Variants in KIFAP3 observed in about 807,000 individuals in gnomAD.
The protein encoded by KIFAP3 is kinesin-associated protein 3.
A neutral mutation model predicts 106.5 loss-of-function variants in KIFAP3; 68 were observed. That is an observed-to-expected ratio of 0.64 (90% CI 0.53 to 0.78). KIFAP3 has a LOEUF of 0.78. KIFAP3 is among the 30% of genes least tolerant of loss of function. The probability of loss-of-function intolerance (pLI) is 0.00; values close to 1 mark genes in which losing one functional copy is unlikely to be tolerated. For missense variants in KIFAP3, 780 were observed against 941.8 expected (o/e 0.83, Z 2.25); for synonymous variants, 320 against 311.5 (o/e 1.03, Z -0.29).
intron 1 of KIFAP3, 64 bp from the exon 2 acceptor site, chr1:170,055,500 C>A: frequency 7.3e-7 from 1 of 1,366,958 alleles, no homozygotes. Flanking sequence ...TGGTTTTTAT[C>A]TATTTTTAGG....
intron 10 of KIFAP3, among the ~76,000 whole-genome samples, chr1:170,013,307 T>C (rs1668339301): frequency 1.3e-5 from 2 of 152,030 alleles, no homozygotes; most frequent in African/African-American, 4.8e-5. Context: ...CTGGAGAACT[T>C]ATCAAAAAAG....
Position 170,035,525 on chromosome 1 carries a change from G to C in KIFAP3, c.546C>G (p.Val182=), listed in dbSNP as rs769809906. The stretch of plus-strand genomic sequence containing the variant: ...CACTTTGCTTCCAGTCTTCTCTCAG[G>C]ACCCTTGCTAATGCACCAAGGGCAG... ...NETALGALAR[V]LREDWKQSVE... is the part of the protein sequence containing the mutation. The change falls in exon 6 of 20, where the codon GTC becomes GTG. Residue 182 remains valine (V), a synonymous_variant. Coordinates refer to ENST00000361580, the MANE Select transcript of KIFAP3 (RefSeq NM_014970.4). 6.2e-7 allele frequency: 1 copy of C among 1,608,674 alleles called. No homozygotes were observed. Among genetic ancestry groups the C allele is most frequent in the South Asian group, 1.1e-5 (1 of 90,270 alleles).
chr1:169,922,933 A>C (rs775249626), intron 19 of KIFAP3: 6 of 196,600 alleles, frequency 3.1e-5, no homozygotes, highest in Non-Finnish European at 4.6e-5. Flanking sequence ...ACACTTTAGA[A>C]GTAACTATTA....
intron 10 of KIFAP3, among the ~76,000 whole-genome samples, chr1:170,014,401 G>T (rs571829359): frequency 2.6e-5 from 4 of 152,186 alleles, no homozygotes; most frequent in African/African-American, 7.2e-5. Flanking sequence ...CCTCCTACTG[G>T]CCTAGCTCTA....
intron 10 of KIFAP3, among the ~76,000 whole-genome samples, chr1:170,004,143 T>G (rs1208559748): frequency 6.6e-6 from 1 of 151,956 alleles, no homozygotes; most frequent in Non-Finnish European, 1.5e-5. Context: ...GGAATGCAAT[T>G]TACAAGGGAT....
chr1:170,060,231 T>C (rs1039991024), intron 1 of KIFAP3, among the ~76,000 whole-genome samples: 2 of 152,332 alleles, frequency 1.3e-5, no homozygotes, highest in African/African-American at 4.8e-5. Context: ...TTGTCCCTGT[T>C]TGCAGATGAC....
Position 169,961,081 on chromosome 1 carries a change from T to C in KIFAP3, c.2138A>G (p.Asp713Gly). The change falls in exon 18 of 20, where the codon GAT becomes GGT. Residue 713 changes from aspartate (D) to glycine (G), a missense_variant. Transcript: ENST00000361580. ...GAAAAGGTCAGGTCTTTCGAGAATA[T>C]CTCCTTCATGAATGTATGGCTCAAT... ...DRIEPYIHEG[D>G]ILERPDLFYN... The C allele has an allele frequency of 6.2e-7, 1 of 1,612,900 alleles. No individual in the cohort carries two copies. Among genetic ancestry groups the C allele is most frequent in the Non-Finnish European group, 8.5e-7 (1 of 1,179,374 alleles).
At chr1:170,029,895 T>C (rs566371086) in intron 8 of KIFAP3, among the ~76,000 whole-genome samples, 1 of 151,984 alleles carries the variant, frequency 6.6e-6, no homozygotes, top group South Asian at 2.1e-4. Context: ...TTTTCAAAAG[T>C]AGTACTTAAA....
intron 17 of KIFAP3, among the ~76,000 whole-genome samples, chr1:169,968,629 G>A (rs751050587): frequency 6.6e-6 from 1 of 151,690 alleles, no homozygotes; most frequent in African/African-American, 2.4e-5. Flanking sequence ...AATATTGATA[G>A]ACATACACAT....
intron 19 of KIFAP3, among the ~76,000 whole-genome samples, chr1:169,947,755 G>C (rs189467951): frequency 1.3e-5 from 2 of 151,728 alleles, no homozygotes; most frequent in Admixed American, 6.6e-5. Flanking sequence ...CCAATTTTAT[G>C]CTATCAAAAC....
At chr1:169,998,391 TATATATATACACACACACAC>T (rs1438017288) in intron 10 of KIFAP3, among the ~76,000 whole-genome samples, 119 of 132,032 alleles carry the variant, frequency 9.0e-4, no homozygotes, top group African/African-American at 3.4e-3. Flanking sequence ...GATATATATA[TATATATATACACACACACAC>T]ACACACACAC....
At chr1:169,961,284 G>A (rs962333636) in intron 17 of KIFAP3, 49 bp from the exon 18 acceptor site, 3 of 1,425,976 alleles carry the variant, frequency 2.1e-6, no homozygotes, top group Admixed American at 3.5e-5. Context: ...AACTCACTTG[G>A]CACTCAGACG....
chr1:170,002,765 C>T (rs1024019230), intron 10 of KIFAP3, among the ~76,000 whole-genome samples: 9 of 152,096 alleles, frequency 5.9e-5, no homozygotes, highest in African/African-American at 2.2e-4. Context: ...TATGAAAATG[C>T]TTAACACAAG....
At chr1:170,009,019 C>G (rs1253031819) in intron 10 of KIFAP3, among the ~76,000 whole-genome samples, 1 of 152,114 alleles carries the variant, frequency 6.6e-6, no homozygotes, top group Admixed American at 6.5e-5. Flanking sequence ...AACACAGGAA[C>G]AGAAAATCAA....
intron 19 of KIFAP3, among the ~76,000 whole-genome samples, chr1:169,939,986 G>GTT (rs1385310646): frequency 1.3e-5 from 2 of 152,294 alleles, no homozygotes; most frequent in Non-Finnish European, 2.9e-5. Flanking sequence ...GGGCCAAAGA[G>GTT]TTTAACTTTG....
At chr1:170,050,175 G>C (rs1210636420) in intron 2 of KIFAP3, among the ~76,000 whole-genome samples, 1 of 152,074 alleles carries the variant, frequency 6.6e-6, no homozygotes, top group Non-Finnish European at 1.5e-5. Flanking sequence ...GAAAAACACA[G>C]CATGAAAACT....
At chr1:170,051,305 T>C (rs1197086338) in intron 2 of KIFAP3, among the ~76,000 whole-genome samples, 4 of 152,060 alleles carry the variant, frequency 2.6e-5, no homozygotes. Context: ...TAAATATATA[T>C]GCACCCAATA....
chr1:169,954,042 C>T lies in KIFAP3; in HGVS notation c.2242G>A (p.Asp748Asn), dbSNP rs759029516. Residue 748 changes from aspartate (D) to asparagine (N), a missense_variant, in exon 19 of 20, where the codon GAT becomes AAT. Transcript: ENST00000361580. ...FFNDYHLQNG[D>N]VVGQHSFPGS... is the part of the protein sequence containing the mutation. ...GGAAATGAATGCTGCCCAACAACAT[C>T]TCCATTTTGAAGGTGGTAATCATTG... is the stretch of plus-strand genomic sequence containing the variant. The T allele has an allele frequency of 3.1e-6, 5 of 1,613,442 alleles. No homozygotes were observed. Among genetic ancestry groups the T allele is most frequent in the Non-Finnish European group, 4.2e-6 (5 of 1,179,552 alleles).
At chr1:169,930,897 T>C (rs1380268194) in intron 19 of KIFAP3, among the ~76,000 whole-genome samples, 2 of 146,636 alleles carry the variant, frequency 1.4e-5, no homozygotes, top group Non-Finnish European at 3.0e-5. Flanking sequence ...GAAGTCCTTT[T>C]CATTTTATTA....
Sources: gnomAD v4.1 joint callset for allele counts (sites outside exome capture counted in the v4.1 genomes callset) on GRCh38, gnomAD v4.1.1 for gene constraint, MANE v1.5 for transcripts, NCBI Gene and HGNC (gene_info 2026-07-23, HGNC 2026-07-21) for gene names.